The following KAZN variants were observed in gnomAD, a reference collection of about 807,000 sequenced individuals.
KAZN encodes the protein kazrin.
In KAZN, 40 loss-of-function variants were observed where a neutral mutation model predicts 87.4. That is an observed-to-expected ratio of 0.46 (90% CI 0.36 to 0.60). KAZN has a LOEUF of 0.60. Ranked by LOEUF, KAZN falls within the 20% of genes least tolerant of loss-of-function variation. KAZN has a pLI of 0.00. For missense variants in KAZN, 898 were observed against 1,073.9 expected (o/e 0.84, Z 2.29); for synonymous variants, 466 against 458.3 (o/e 1.02, Z -0.22).
intron 1 of KAZN, among the ~76,000 whole-genome samples, chr1:13,913,886 T>A (rs770705018): frequency 2.6e-5 from 4 of 152,212 alleles, no homozygotes; most frequent in Non-Finnish European, 5.9e-5. Flanking sequence ...GGTTTGAGAA[T>A]CATTAAACTA....
At chr1:14,318,759 T>C (rs2100832492) in intron 2 of KAZN, among the ~76,000 whole-genome samples, 1 of 152,240 alleles carries the variant, frequency 6.6e-6, no homozygotes, top group Middle Eastern at 3.4e-3. Flanking sequence ...TCTGTGGGCA[T>C]GTCTTCAAGT....
At chr1:14,361,122 A>G (rs1659474956) in intron 2 of KAZN, among the ~76,000 whole-genome samples, 1 of 152,142 alleles carries the variant, frequency 6.6e-6, no homozygotes, top group South Asian at 2.1e-4. Context: ...TCTTTCAGAG[A>G]TGCTCCGCCC....
At chr1:14,460,114 G>A (rs868237340) in intron 2 of KAZN, among the ~76,000 whole-genome samples, 6 of 152,168 alleles carry the variant, frequency 3.9e-5, no homozygotes, top group African/African-American at 1.2e-4. Context: ...CCAAGCCTGG[G>A]CCTGGTCGAC....
chr1:14,847,676 C>A (rs974461695), intron 1 of KAZN, among the ~76,000 whole-genome samples: 1 of 152,208 alleles, frequency 6.6e-6, no homozygotes, highest in African/African-American at 2.4e-5. Context: ...GCAGCATTCC[C>A]AGTGCCTAGG....
intron 2 of KAZN, among the ~76,000 whole-genome samples, chr1:14,484,758 A>G (rs558649304): frequency 3.7e-4 from 56 of 152,256 alleles, no homozygotes; most frequent in African/African-American, 1.3e-3. Context: ...TCTCTCTCAC[A>G]TGTCTGGGGC....
chr1:14,212,170 A>G (rs1172923626), intron 2 of KAZN, among the ~76,000 whole-genome samples: 3 of 152,184 alleles, frequency 2.0e-5, no homozygotes, highest in African/African-American at 7.2e-5. Context: ...CCAAAACAGC[A>G]CCAGTGCCTG....
intron 2 of KAZN, among the ~76,000 whole-genome samples, chr1:14,358,575 C>T (rs143374938): frequency 0.026 from 3,927 of 152,124 alleles, 75 homozygotes; most frequent in Non-Finnish European, 0.041. Flanking sequence ...CTATAAATTT[C>T]CCTTTAAACA....
rs1196696040 is a variant in KAZN, at chr1:14,923,442, C to T, written c.227-37242C>T. Among the ~76,000 whole-genome samples, 9 of 152,204 alleles carry T rather than the reference C, an allele frequency of 5.9e-5. No individual in the cohort carries two copies. In the East Asian group the frequency reaches 1.7e-3, roughly 29 times the overall value. On this transcript the variant is annotated intron_variant, in intron 1 of 14. Coordinates refer to ENST00000376030, the MANE Select transcript of KAZN (RefSeq NM_201628.3). This position sits in a 1 kb window ranked among gnomAD's most constrained non-coding sequence, Gnocchi z 4.2. Reference sequence around the variant, plus strand: ...TCCTACAGGGTTTGCCTGGCCTTGTCACTGTTCCCCCACCCACTCCCAGGG... The same window carrying T: ...TCCTACAGGGTTTGCCTGGCCTTGTTACTGTTCCCCCACCCACTCCCAGGG...
chr1:15,048,921 A>G (rs917022046), intron 4 of KAZN, among the ~76,000 whole-genome samples: 2 of 148,080 alleles, frequency 1.4e-5, no homozygotes, highest in African/African-American at 5.2e-5. Flanking sequence ...CATGCCGTTC[A>G]GTGGTTTTTA....
chr1:13,994,736 C>T (rs1246863701), intron 1 of KAZN, among the ~76,000 whole-genome samples: 1 of 152,088 alleles, frequency 6.6e-6, no homozygotes, highest in East Asian at 1.9e-4. Flanking sequence ...GGAAGTTACC[C>T]TCAAGCAGGT....
intron 2 of KAZN, among the ~76,000 whole-genome samples, chr1:14,377,907 A>G (rs1015414352): frequency 2.0e-5 from 3 of 152,198 alleles, no homozygotes; most frequent in Non-Finnish European, 4.4e-5. Flanking sequence ...TCCCAAATGG[A>G]AAAACTGAGA....
intron 2 of KAZN, among the ~76,000 whole-genome samples, chr1:15,029,757 GGGCA>G (rs1211316732): frequency 6.6e-6 from 1 of 152,192 alleles, no homozygotes; most frequent in Non-Finnish European, 1.5e-5. Context: ...GAGCCTAGGC[GGGCA>G]GGGGTCATTC....
chr1:14,924,065 G>GGGGCGGGGCGA (rs1658854262), intron 1 of KAZN: 1 of 925,394 alleles, frequency 1.1e-6, no homozygotes, highest in Non-Finnish European at 1.3e-6. Context: ...GGGCGGGGCG[G>GGGGCGGGGCGA]GGGCGGGGCG....
At chr1:14,744,910 T>C (rs1358579924) in intron 1 of KAZN, among the ~76,000 whole-genome samples, 3 of 152,056 alleles carry the variant, frequency 2.0e-5, no homozygotes, top group Non-Finnish European at 1.5e-5. Flanking sequence ...TCACTACCTG[T>C]CCCCAAGGTC....
At position 15,002,677 on chromosome 1, in the gene KAZN, C is replaced by CA. The variant is rs1398296283; in HGVS notation, c.419-32065dup. Among the ~76,000 whole-genome samples the CA allele has an allele frequency of 3.9e-5, 6 of 152,040 alleles. No individual in the cohort carries two copies. In the South Asian group the frequency reaches 8.3e-4, roughly 21 times the overall value. On this transcript the variant is annotated intron_variant, in intron 2 of 14. Transcript: ENST00000376030. ...GAATATTAAATCTTTTATTCCTCAC[C>CA]AAAAAAACACACACACGGCTGGGCG...
intron 2 of KAZN, among the ~76,000 whole-genome samples, chr1:14,274,251 G>T (rs1652175943): frequency 1.3e-5 from 2 of 152,192 alleles, no homozygotes; most frequent in African/African-American, 2.4e-5. Context: ...GAAGCACTTT[G>T]TTGTATGAAA....
Position 15,066,055 on chromosome 1 carries a change from G to A in KAZN, c.1222+302G>A, listed in dbSNP as rs79773103. 898 of 1,214,916 alleles carry A rather than the reference G, an allele frequency of 7.4e-4. 8 individuals carry two copies. The African/African-American group carries it at 0.011, about 14-fold the overall frequency. The allele number at this position is 1,214,916 out of a possible 1,614,324, so 75.3% of individuals were successfully genotyped here. On this transcript the variant is annotated intron_variant, in intron 8 of 14. Transcript: ENST00000376030. This position sits in a 1 kb window ranked among gnomAD's most constrained non-coding sequence, Gnocchi z 4.3. ...AACCTGTCAACTCTCTGTCGTCTTTGGAGCGATACAGTTGTGTTGTTAATC... is the reference window on the plus strand; with the variant it reads ...AACCTGTCAACTCTCTGTCGTCTTTAGAGCGATACAGTTGTGTTGTTAATC...
chr1:14,525,087 A>G (rs1335804645), intron 2 of KAZN, among the ~76,000 whole-genome samples: 1 of 152,240 alleles, frequency 6.6e-6, no homozygotes, highest in South Asian at 2.1e-4. Flanking sequence ...TTCAGAGCAG[A>G]TGACACATGG....
intron 2 of KAZN, among the ~76,000 whole-genome samples, chr1:14,301,046 CA>C (rs1297149553): frequency 6.6e-6 from 1 of 152,170 alleles, no homozygotes; most frequent in Non-Finnish European, 1.5e-5. Context: ...GTGAAATCCA[CA>C]TGTTGGAACA....
Sources: gnomAD v4.1 joint callset for allele counts (sites outside exome capture counted in the v4.1 genomes callset) on GRCh38, gnomAD v4.1.1 for gene constraint, Gnocchi (gnomAD v3.1) non-coding constraint, MANE v1.5 for transcripts, NCBI Gene and HGNC (gene_info 2026-07-23, HGNC 2026-07-21) for gene names.